The following AK7 variants were observed in gnomAD, a reference collection of about 807,000 sequenced individuals.
AK7 encodes adenylate kinase 7.
Under a neutral mutation model 96.6 loss-of-function variants are expected in AK7, and 78 were observed. The ratio of observed to expected loss-of-function variants is 0.81; its 90% CI spans 0.67 to 0.97. AK7 has a LOEUF of 0.97. Ranked by LOEUF, AK7 falls within the 50% of genes least tolerant of loss-of-function variation. The pLI is 0.00. For synonymous variants in AK7, 302 were observed against 317.2 expected, an observed-to-expected ratio of 0.95 and a Z score of 0.51; for missense variants, 855 against 887.9, an observed-to-expected ratio of 0.96 and a Z score of 0.47.
intron 5 of AK7, among the ~76,000 whole-genome samples, chr14:96,428,510 C>G (rs144043900): frequency 2.6e-5 from 4 of 152,332 alleles, no homozygotes; most frequent in Non-Finnish European, 5.9e-5. Context: ...AATGCTATTT[C>G]TAGTTCTAGA....
chr14:96,465,112 G>T (rs1894484186), intron 12 of AK7, among the ~76,000 whole-genome samples: 1 of 152,140 alleles, frequency 6.6e-6, no homozygotes, highest in South Asian at 2.1e-4. Flanking sequence ...GAGTTTACTT[G>T]CTTTCAAGAA....
At chr14:96,447,589 T>A (rs1355576212) in intron 8 of AK7, among the ~76,000 whole-genome samples, 1 of 152,152 alleles carries the variant, frequency 6.6e-6, no homozygotes, top group African/African-American at 2.4e-5. Context: ...CCCAAAGTGC[T>A]GGGATTACAG....
chr14:96,392,512 G>C (rs766200198), intron 1 of AK7, among the ~76,000 whole-genome samples: 8 of 152,196 alleles, frequency 5.3e-5, no homozygotes, highest in Non-Finnish European at 1.2e-4. Context: ...TTTTAATGAG[G>C]GGAAACTGAG....
At chr14:96,405,869 A>G (rs1197907152) in intron 3 of AK7, among the ~76,000 whole-genome samples, 1 of 152,202 alleles carries the variant, frequency 6.6e-6, no homozygotes, top group South Asian at 2.1e-4. Context: ...GGTGTCTAGC[A>G]AGGTGGTGCT....
chr14:96,452,834 C>T (rs1324558638), intron 10 of AK7, among the ~76,000 whole-genome samples: 4 of 152,080 alleles, frequency 2.6e-5, no homozygotes, highest in African/African-American at 7.2e-5. Context: ...CTAGGTAGGA[C>T]GCAGACTTAA....
chr14:96,480,520 T>A (rs1037548957), intron 15 of AK7, among the ~76,000 whole-genome samples: 1 of 152,190 alleles, frequency 6.6e-6, no homozygotes, highest in Non-Finnish European at 1.5e-5. Context: ...TTTGTCCTCA[T>A]CTGGACATGT....
At chr14:96,450,287 A>C (rs892474260) in intron 9 of AK7, among the ~76,000 whole-genome samples, 1 of 152,004 alleles carries the variant, frequency 6.6e-6, no homozygotes, top group Non-Finnish European at 1.5e-5. Context: ...ATGGTGACAC[A>C]TGCCTGTAAT....
rs1894235005 is a variant in AK7, at chr14:96,461,275, C to T, written c.1357+3063C>T. 1.3e-5 allele frequency among the ~76,000 whole-genome samples: 2 copies of T among 152,054 alleles called. 1 individual carries two copies. The highest frequency in any genetic ancestry group is 4.1e-4 in the South Asian group (2 of 4,830). On this transcript the variant is annotated intron_variant, in intron 12 of 17. Transcript: ENST00000267584. ...GTCAGCCTCGGCAACATAGCAAGAC[C>T]CCCCATGTCTACAAAAAAAAGTCTA...
At chr14:96,397,103 A>C (rs1890124596) in intron 1 of AK7, among the ~76,000 whole-genome samples, 1 of 152,222 alleles carries the variant, frequency 6.6e-6, no homozygotes, top group African/African-American at 2.4e-5. Context: ...TCTCAAAAAA[A>C]GAAATGTCGC....
intron 5 of AK7, among the ~76,000 whole-genome samples, chr14:96,429,933 T>C (rs1421201078): frequency 6.6e-6 from 1 of 152,158 alleles, no homozygotes; most frequent in Non-Finnish European, 1.5e-5. Flanking sequence ...CTTCCTCTTT[T>C]CCTAATTGAA....
chr14:96,415,142 A>T (rs1891258314), intron 4 of AK7, among the ~76,000 whole-genome samples: 1 of 151,936 alleles, frequency 6.6e-6, no homozygotes, highest in African/African-American at 2.4e-5. Context: ...GGGACCCCTC[A>T]CCACAGGTGG....
intron 12 of AK7, among the ~76,000 whole-genome samples, chr14:96,464,574 AAGAG>A (rs1476387395): frequency 2.0e-5 from 3 of 148,030 alleles, no homozygotes; most frequent in Non-Finnish European, 3.0e-5. Flanking sequence ...AAAAAGGAGA[AAGAG>A]AGAGAATAGT....
At chr14:96,485,366 G>T (rs1007575355) in intron 16 of AK7, among the ~76,000 whole-genome samples, 23 of 152,108 alleles carry the variant, frequency 1.5e-4, no homozygotes, top group African/African-American at 5.3e-4. Flanking sequence ...AACAGGAACG[G>T]CTCCAGTTGG....
chr14:96,418,761 C>T (rs1345641097), intron 4 of AK7, among the ~76,000 whole-genome samples: 3 of 152,144 alleles, frequency 2.0e-5, no homozygotes, highest in African/African-American at 7.2e-5. Flanking sequence ...TCAAGTGATC[C>T]ACCCACCTCA....
chr14:96,414,757 C>T (rs1282592519), intron 4 of AK7, among the ~76,000 whole-genome samples: 4 of 100,120 alleles, frequency 4.0e-5, no homozygotes, highest in African/African-American at 3.9e-5. Context: ...AGGATTCCTT[C>T]TTTTTTTTTT....
chr14:96,472,172 T>C (rs910458765), intron 13 of AK7, among the ~76,000 whole-genome samples: 3 of 151,948 alleles, frequency 2.0e-5, no homozygotes, highest in South Asian at 2.1e-4. Flanking sequence ...AGAATTTCCT[T>C]TAAAAAAAAA....
At chr14:96,435,921 CA>C (rs1892613134) in intron 5 of AK7, among the ~76,000 whole-genome samples, 1 of 152,124 alleles carries the variant, frequency 6.6e-6, no homozygotes, top group South Asian at 2.1e-4. Context: ...TTGGCGATTC[CA>C]AACTGTTTTT....
At chr14:96,400,703 CAGCAGTCCCTGGCA>C (rs1486434194) in intron 2 of AK7, among the ~76,000 whole-genome samples, 3 of 152,194 alleles carry the variant, frequency 2.0e-5, no homozygotes, top group East Asian at 3.9e-4. Flanking sequence ...TGGACATTGC[CAGCAGTCCCTGGCA>C]AGCATCTCTT....
chr14:96,412,337 CT>C (rs1206334747), intron 4 of AK7, among the ~76,000 whole-genome samples: 1 of 149,822 alleles, frequency 6.7e-6, no homozygotes, highest in African/African-American at 2.5e-5. Context: ...AAGCAATTCT[CT>C]TGCCTCAGCC....
Sources: gnomAD v4.1 joint callset for allele counts (sites outside exome capture counted in the v4.1 genomes callset) on GRCh38, gnomAD v4.1.1 for gene constraint, MANE v1.5 for transcripts, NCBI Gene and HGNC (gene_info 2026-07-23, HGNC 2026-07-21) for gene names.